ARGLU1: variants seen among roughly 807,000 people sequenced by gnomAD.
The protein encoded by ARGLU1 is arginine and glutamate rich 1.
A neutral mutation model predicts 37.6 loss-of-function variants in ARGLU1; 9 were observed. That is an observed-to-expected ratio of 0.24 (90% CI 0.14 to 0.42). The LOEUF is 0.42. Among genes scored for constraint, ARGLU1 ranks in the 10% least tolerant of loss-of-function variants. The probability of loss-of-function intolerance (pLI) is 1.00; values close to 1 mark genes in which losing one functional copy is unlikely to be tolerated. For missense variants in ARGLU1, 211 were observed against 359.2 expected (o/e 0.59, Z 3.34); for synonymous variants, 166 against 138.5 (o/e 1.20, Z -1.39).
intron 1 of ARGLU1, among the ~76,000 whole-genome samples, chr13:106,564,293 T>C (rs1269199275): frequency 6.6e-6 from 1 of 152,344 alleles, no homozygotes; most frequent in East Asian, 1.9e-4. Context: ...TGAGAGCTAT[T>C]ACATGCCAAG....
intron 3 of ARGLU1, among the ~76,000 whole-genome samples, chr13:106,548,396 T>A (rs533463126): frequency 2.6e-5 from 4 of 152,322 alleles, no homozygotes; most frequent in Admixed American, 6.5e-5. Flanking sequence ...CATTGCTCCT[T>A]TCCCTGCTTG....
intron 3 of ARGLU1, among the ~76,000 whole-genome samples, chr13:106,552,085 GA>G (rs1323662605): frequency 1.3e-5 from 2 of 152,166 alleles, no homozygotes; most frequent in African/African-American, 2.4e-5. Context: ...TCATTTAAAA[GA>G]AAGCCATCTC....
chr13:106,552,383 A>C (rs949061562), intron 3 of ARGLU1, among the ~76,000 whole-genome samples: 1 of 152,172 alleles, frequency 6.6e-6, no homozygotes, highest in Non-Finnish European at 1.5e-5. Context: ...CCAGTATGTT[A>C]CCTAAAATTT....
chr13:106,547,797 C>CTTCA (rs972598141), intron 3 of ARGLU1, among the ~76,000 whole-genome samples: 1 of 151,580 alleles, frequency 6.6e-6, no homozygotes, highest in Non-Finnish European at 1.5e-5. Context: ...GGTAAAGGGA[C>CTTCA]TTCACTGTTT....
At position 106,542,520 on chromosome 13, in the gene ARGLU1, T is replaced by C. The variant is rs981232321; in HGVS notation, c.*1476A>G. The C allele has an allele frequency of 5.9e-5, 9 of 152,152 alleles. No individual in the cohort carries two copies. The highest frequency in any genetic ancestry group is 1.7e-4 in the African/African-American group (7 of 41,466). The allele number at this position is 152,152 out of a possible 1,614,324, so 9.4% of individuals were successfully genotyped here. A position where few individuals can be genotyped will look rare whatever the true frequency, so the allele number is the denominator to read the frequency against. ...TTGTTCCTTACCACAATTAGACTCA[T>C]TGAAGAGCTCAAAACTAAAGCAACA... On this transcript the variant is annotated 3_prime_UTR_variant, in exon 4 of 4. Coordinates refer to ENST00000400198, the MANE Select transcript of ARGLU1 (RefSeq NM_018011.4).
At chr13:106,544,616 T>G (rs1440970205) in intron 3 of ARGLU1, among the ~76,000 whole-genome samples, 1 of 152,176 alleles carries the variant, frequency 6.6e-6, no homozygotes, top group Non-Finnish European at 1.5e-5. Flanking sequence ...ATTAATAGAT[T>G]GTTAATTATA....
intron 1 of ARGLU1, among the ~76,000 whole-genome samples, chr13:106,565,714 T>C (rs1026366185): frequency 2.0e-5 from 3 of 152,186 alleles, no homozygotes; most frequent in South Asian, 4.1e-4. Flanking sequence ...ATATATTAAA[T>C]AAAATGCCTA....
rs563938012 is a variant in ARGLU1, at chr13:106,548,798, G to A, written c.658-4638C>T. Among the ~76,000 whole-genome samples the A allele has an allele frequency of 5.3e-5, 8 of 152,244 alleles. No homozygotes were observed. The South Asian group carries it at 1.7e-3, about 32-fold the overall frequency. On this transcript the variant is annotated intron_variant, in intron 3 of 3. Coordinates refer to ENST00000400198, the MANE Select transcript of ARGLU1 (RefSeq NM_018011.4). ...AGTCTTGCTCTTGTTGCCCAGGCTG[G>A]AGTGCAATGACACGATCTTGGCTCA...
rs1880268790 is a variant in ARGLU1, at chr13:106,541,921, T to TTG, written c.*2074_*2075insCA. 6.6e-6 allele frequency: 1 copy of TTG among 152,134 alleles called. No homozygotes were observed. 9.4% of individuals were successfully genotyped at this position (152,134 alleles called of 1,614,324 possible). A position where few individuals can be genotyped will look rare whatever the true frequency, so the allele number is the denominator to read the frequency against. ...AGTGGGAACAAATGAAAAAAACAAA[T>TTG]TACTACATTGTTGCAGCACATTAAA... On this transcript the variant is annotated 3_prime_UTR_variant, in exon 4 of 4. Coordinates refer to ENST00000400198, the MANE Select transcript of ARGLU1 (RefSeq NM_018011.4).
At position 106,543,776 on chromosome 13, in the gene ARGLU1, A is replaced by G; in HGVS notation, c.*220T>C. On this transcript the variant is annotated 3_prime_UTR_variant, in exon 4 of 4. Coordinates refer to ENST00000400198, the MANE Select transcript of ARGLU1 (RefSeq NM_018011.4). ...AATCCAAACAGGTGAAAAATACGTC[A>G]CTCCTTAGAATACAACAATGATCTG... 2.3e-6 allele frequency: 1 copy of G among 434,104 alleles called. No individual in the cohort carries two copies. The allele number at this position is 434,104 out of a possible 1,614,324, so 26.9% of individuals were successfully genotyped here.
chr13:106,560,055 A>T (rs548500928), intron 1 of ARGLU1, among the ~76,000 whole-genome samples: 16 of 152,316 alleles, frequency 1.1e-4, no homozygotes, highest in African/African-American at 3.4e-4. Flanking sequence ...GCTACAGAGA[A>T]GGAGAAATTA....
chr13:106,552,414 T>C (rs1222207601), intron 3 of ARGLU1, among the ~76,000 whole-genome samples: 1 of 152,212 alleles, frequency 6.6e-6, no homozygotes, highest in African/African-American at 2.4e-5. Flanking sequence ...TATCAATCTA[T>C]CAATCTATTA....
At chr13:106,547,253 A>G (rs1880416681) in intron 3 of ARGLU1, among the ~76,000 whole-genome samples, 1 of 152,230 alleles carries the variant, frequency 6.6e-6, no homozygotes, top group Non-Finnish European at 1.5e-5. Flanking sequence ...AAAATGGACT[A>G]ACACACATAT....
At chr13:106,556,535 A>G (rs565410463) in intron 3 of ARGLU1, among the ~76,000 whole-genome samples, 2 of 139,876 alleles carry the variant, frequency 1.4e-5, no homozygotes, top group South Asian at 4.7e-4. Context: ...TGGAGCTTAC[A>G]ACTTGCTTTC....
intron 2 of ARGLU1, chr13:106,558,761 G>GA (rs2138972666): frequency 1.0e-6 from 1 of 985,034 alleles, no homozygotes; most frequent in Non-Finnish European, 1.2e-6. Flanking sequence ...ACTCTCTAGA[G>GA]AAAAAAAGGA....
chr13:106,552,339 A>T (rs566768709), intron 3 of ARGLU1, among the ~76,000 whole-genome samples: 2 of 152,242 alleles, frequency 1.3e-5, no homozygotes, highest in South Asian at 4.1e-4. Context: ...AAACACCCCC[A>T]TCTCCCATCA....
intron 1 of ARGLU1, 123 bp from the exon 2 acceptor site, chr13:106,559,780 T>C (rs1880747121): frequency 9.5e-7 from 1 of 1,049,228 alleles, no homozygotes; most frequent in Middle Eastern, 2.2e-4. Flanking sequence ...TTTTCAGAAT[T>C]CATTTCCATG....
intron 3 of ARGLU1, among the ~76,000 whole-genome samples, chr13:106,553,511 T>C (rs948925886): frequency 6.6e-6 from 1 of 152,216 alleles, no homozygotes; most frequent in African/African-American, 2.4e-5. Context: ...TACTGTTAAT[T>C]GTCTTTGGAA....
chr13:106,562,416 G>A (rs893640126), intron 1 of ARGLU1, among the ~76,000 whole-genome samples: 1 of 152,038 alleles, frequency 6.6e-6, no homozygotes, highest in African/African-American at 2.4e-5. Context: ...CCACTATTAT[G>A]CCTACTCCCA....
Sources: gnomAD v4.1 joint callset for allele counts (sites outside exome capture counted in the v4.1 genomes callset) on GRCh38, gnomAD v4.1.1 for gene constraint, MANE v1.5 for transcripts, NCBI Gene and HGNC (gene_info 2026-07-23, HGNC 2026-07-21) for gene names.